MCM8: variants seen among roughly 807,000 people sequenced by gnomAD.
MCM8 encodes minichromosome maintenance 8 homologous recombination repair factor, also known as DNA helicase MCM8.
MCM8 carries 85 observed loss-of-function variants against 98.9 expected under a neutral mutation model. That is an observed-to-expected ratio of 0.86 (90% CI 0.72 to 1.03). The LOEUF is 1.03. Among genes scored for constraint, MCM8 ranks in the 50% least tolerant of loss-of-function variants. The pLI is 0.00. For missense variants in MCM8, 951 were observed against 997.8 expected (o/e 0.95, Z 0.63); for synonymous variants, 352 against 338.6 (o/e 1.04, Z -0.44).
In MCM8 at chr20:5,973,059, G is replaced by T. The variant is rs776191008; in HGVS notation, c.1258G>T (p.Val420Phe). Residue 420 changes from valine (V) to phenylalanine (F), a missense_variant, in exon 12 of 19, where the codon GTT becomes TTT. Coordinates refer to ENST00000610722, the MANE Select transcript of MCM8 (RefSeq NM_032485.6). ...LCPVIFGHEL[V>F]KAGLALALFG... The stretch of plus-strand genomic sequence containing the variant: ...TTGTTCTTTTTTCGCACTTGAGCTT[G>T]TTAAAGCAGGTTTGGCATTAGCACT... 2.5e-6 allele frequency: 4 copies of T among 1,613,846 alleles called. No individual in the cohort carries two copies. Among genetic ancestry groups the T allele is most frequent in the Non-Finnish European group, 3.4e-6 (4 of 1,179,882 alleles).
At chr20:5,978,963 G>A (rs2089574230) in intron 13 of MCM8, among the ~76,000 whole-genome samples, 1 of 152,192 alleles carries the variant, frequency 6.6e-6, no homozygotes, top group Non-Finnish European at 1.5e-5. Context: ...ATAGGGCCCA[G>A]CAAGAAGAAA....
At chr20:5,956,943 A>G (rs989294138) in intron 5 of MCM8, among the ~76,000 whole-genome samples, 183 bp from the exon 6 acceptor site, 2 of 152,202 alleles carry the variant, frequency 1.3e-5, no homozygotes, top group African/African-American at 4.8e-5. Context: ...GCAAAATCCA[A>G]TGTAAAACAT....
At chr20:5,975,231 C>T (rs1193112510) in intron 12 of MCM8, among the ~76,000 whole-genome samples, 2 of 151,490 alleles carry the variant, frequency 1.3e-5, no homozygotes, top group African/African-American at 4.9e-5. Flanking sequence ...TGTACCCCAG[C>T]CTGGGCAATA....
At chr20:5,954,339 A>C (rs1307305382) in intron 3 of MCM8, among the ~76,000 whole-genome samples, 4 of 152,296 alleles carry the variant, frequency 2.6e-5, no homozygotes, top group African/African-American at 9.6e-5. Context: ...AACATGTCCT[A>C]TTAGGTGTCA....
At chr20:5,980,241 C>T (rs995473544) in intron 13 of MCM8, among the ~76,000 whole-genome samples, 14 of 152,120 alleles carry the variant, frequency 9.2e-5, no homozygotes, top group African/African-American at 3.4e-4. Context: ...CCTTCCATAG[C>T]ACTTTTTACC....
chr20:5,967,412 C>G, intron 8 of MCM8, 24 bp from the exon 9 acceptor site: 1 of 1,603,858 alleles, frequency 6.2e-7, no homozygotes, highest in South Asian at 1.1e-5. Flanking sequence ...AGTATTCTAA[C>G]TGAAAACTAT....
chr20:5,951,922 A>C, intron 1 of MCM8, 89 bp from the exon 2 acceptor site: 2 of 1,415,442 alleles, frequency 1.4e-6, no homozygotes, highest in Non-Finnish European at 1.9e-6. Flanking sequence ...CCTAGAATAC[A>C]TTAATTTTTC....
In MCM8 at chr20:5,950,693, T is replaced by G. The variant is rs1333096742; in HGVS notation, c.-336T>G. 2.1e-5 allele frequency: 7 copies of G among 340,778 alleles called. No homozygotes were observed. The East Asian group carries it at 3.5e-4, about 17-fold the overall frequency. 21.1% of individuals were successfully genotyped at this position (340,778 alleles called of 1,614,324 possible). ...GATCACTGAAGCGCCAAAAAAGAATTTAGGGGAAGACCTGATTTTCGCTTG... is the reference window on the plus strand; with the variant it reads ...GATCACTGAAGCGCCAAAAAAGAATGTAGGGGAAGACCTGATTTTCGCTTG... On this transcript the variant is annotated 5_prime_UTR_variant, in exon 1 of 19. In the 5' UTR this introduces an upstream ATG that the reference lacks. Transcript: ENST00000610722.
At chr20:5,993,357 G>T (rs919165478) in intron 17 of MCM8, 149 bp from the exon 18 acceptor site, 2 of 476,344 alleles carry the variant, frequency 4.2e-6, no homozygotes, top group Admixed American at 3.6e-5. Context: ...GTGAATTTCA[G>T]AGTGGCCCCT....
At chr20:5,963,062 A>G (rs1164349223) in intron 7 of MCM8, among the ~76,000 whole-genome samples, 1 of 152,202 alleles carries the variant, frequency 6.6e-6, no homozygotes, top group African/African-American at 2.4e-5. Context: ...AGTAAGTGAG[A>G]AGGATCAATT....
chr20:5,972,117 C>T, intron 11 of MCM8, 80 bp downstream of exon 11: 1 of 1,089,174 alleles, frequency 9.2e-7, no homozygotes, highest in South Asian at 1.5e-5. Flanking sequence ...CAGAAAGTAG[C>T]AAATTTCTAT....
intron 10 of MCM8, among the ~76,000 whole-genome samples, chr20:5,970,261 C>T (rs574609681): frequency 2.0e-4 from 30 of 152,278 alleles, no homozygotes; most frequent in African/African-American, 7.2e-4. Context: ...AGTTTGTCAA[C>T]CCAGCCTAGG....
intron 17 of MCM8, among the ~76,000 whole-genome samples, chr20:5,990,135 C>T (rs970269795): frequency 1.3e-5 from 2 of 151,552 alleles, no homozygotes; most frequent in Non-Finnish European, 2.9e-5. Flanking sequence ...AGTACAGTGG[C>T]GTGATCTCAG....
intron 9 of MCM8, 57 bp from the exon 10 acceptor site, chr20:5,967,773 G>GTCA: frequency 7.0e-7 from 1 of 1,420,096 alleles, no homozygotes. Context: ...TTCTAGTTGA[G>GTCA]TCATTGTAGG....
intron 6 of MCM8, among the ~76,000 whole-genome samples, chr20:5,957,819 C>G (rs1474324542): frequency 1.3e-5 from 2 of 152,038 alleles, no homozygotes; most frequent in African/African-American, 4.8e-5. Context: ...TTTTGTTTTT[C>G]TTGAATTCAT....
Position 5,958,548 on chromosome 20 carries a change from T to C in MCM8, c.611T>C (p.Leu204Ser). The change falls in exon 7 of 19, where the codon TTG becomes TCG. Residue 204 changes from leucine to serine, a missense_variant. Coordinates refer to ENST00000610722, the MANE Select transcript of MCM8 (RefSeq NM_032485.6). ...TTTAGGGTGTACAACTATGAGCCTTTGACACAGCTCAAGAATGTCAGAGCA... is the reference window on the plus strand; with the variant it reads ...TTTAGGGTGTACAACTATGAGCCTTCGACACAGCTCAAGAATGTCAGAGCA... ...IHARVYNYEP[L>S]TQLKNVRANY... 6.2e-7 allele frequency: 1 copy of C among 1,614,116 alleles called. No homozygotes were observed. Among genetic ancestry groups the C allele is most frequent in the Non-Finnish European group, 8.5e-7 (1 of 1,179,954 alleles).
chr20:5,986,633 T>G (rs1377503162), intron 16 of MCM8, among the ~76,000 whole-genome samples: 1 of 152,210 alleles, frequency 6.6e-6, no homozygotes, highest in Non-Finnish European at 1.5e-5. Flanking sequence ...TAAAATCTGA[T>G]TAATTCTTCT....
chr20:5,987,615 C>G (rs6053813), intron 17 of MCM8, among the ~76,000 whole-genome samples: 1 of 152,250 alleles, frequency 6.6e-6, no homozygotes, highest in Non-Finnish European at 1.5e-5. Context: ...TATTTACCAC[C>G]TACTCGCCCT....
In MCM8 at chr20:5,958,705, A is replaced by T. The variant is rs2089055063; in HGVS notation, c.768A>T (p.Gly256=). 6.2e-7 allele frequency: 1 copy of T among 1,614,048 alleles called. No individual in the cohort carries two copies. The highest frequency in any genetic ancestry group is 1.3e-5 in the African/African-American group (1 of 74,938). ...GEIQSFPLPD[G]KYSLPTKCPV... is the part of the protein sequence containing the mutation. ...TTCAGAGCTTTCCTCTTCCAGATGG[A>T]AAATACAGTCTTCCCACAAAGGTAA... The change falls in exon 7 of 19, where the codon GGA becomes GGT. Residue 256 remains glycine, a synonymous_variant. Transcript: ENST00000610722.
Sources: gnomAD v4.1 joint callset for allele counts (sites outside exome capture counted in the v4.1 genomes callset) on GRCh38, gnomAD v4.1.1 for gene constraint, MANE v1.5 for transcripts, NCBI Gene and HGNC (gene_info 2026-07-23, HGNC 2026-07-21) for gene names.